The following PDE4D variants were observed in gnomAD, a reference collection of about 807,000 sequenced individuals.
The protein encoded by PDE4D is phosphodiesterase 4D, also known as 3',5'-cyclic-AMP phosphodiesterase 4D.
A neutral mutation model predicts 87.4 loss-of-function variants in PDE4D; 24 were observed. The observed-to-expected ratio is 0.27, with a 90% CI of 0.20 to 0.39. The LOEUF (loss-of-function observed/expected upper bound fraction) is 0.39, where lower values mean the gene tolerates loss of function less well. Ranked by LOEUF, PDE4D falls within the 10% of genes least tolerant of loss-of-function variation. The pLI is 1.00. For missense variants in PDE4D, 714 were observed against 1,041.0 expected (o/e 0.69, Z 4.32); for synonymous variants, 384 against 383.2 (o/e 1.00, Z -0.02).
chr5:59,455,965 C>G (rs1227637235), intron 1 of PDE4D, among the ~76,000 whole-genome samples: 1 of 152,182 alleles, frequency 6.6e-6, no homozygotes, highest in Non-Finnish European at 1.5e-5. Flanking sequence ...CCTGTACCCC[C>G]ATTGTATCTA....
intron 1 of PDE4D, among the ~76,000 whole-genome samples, chr5:59,611,571 A>G (rs879508724): frequency 3.3e-5 from 5 of 152,210 alleles, no homozygotes; most frequent in Non-Finnish European, 7.3e-5. Context: ...TCTTAAGGGC[A>G]GGGTTTACAT....
intron 3 of PDE4D, among the ~76,000 whole-genome samples, chr5:59,908,323 T>A (rs36066827): frequency 0.15 from 22,711 of 151,988 alleles, 2,049 homozygotes; most frequent in African/African-American, 0.25. Flanking sequence ...AACTTTTTTT[T>A]AAAAAACAAG....
chr5:59,618,562 A>G (rs1432753447), intron 1 of PDE4D, among the ~76,000 whole-genome samples: 1 of 152,152 alleles, frequency 6.6e-6, no homozygotes, highest in African/African-American at 2.4e-5. Context: ...CAGGAAATAT[A>G]TATTATCATA....
intron 3 of PDE4D, among the ~76,000 whole-genome samples, chr5:59,192,014 T>G (rs1404965397): frequency 1.3e-5 from 2 of 152,206 alleles, no homozygotes; most frequent in Non-Finnish European, 2.9e-5. Context: ...CAGCAAAACC[T>G]TCAGCAAACA....
chr5:59,034,253 T>C (rs1401081614), intron 6 of PDE4D, among the ~76,000 whole-genome samples: 4 of 152,214 alleles, frequency 2.6e-5, no homozygotes, highest in Non-Finnish European at 5.9e-5. Flanking sequence ...TCTATAATTA[T>C]AGAAGATATT....
At chr5:59,959,603 AG>A in intron 3 of PDE4D, among the ~76,000 whole-genome samples, 1 of 152,270 alleles carries the variant, frequency 6.6e-6, no homozygotes, top group Non-Finnish European at 1.5e-5. Flanking sequence ...AAAAATAAGC[AG>A]GGGGGAAGGG....
At chr5:59,108,955 ATGTGTGTG>A (rs57004711) in intron 5 of PDE4D, among the ~76,000 whole-genome samples, 1,788 of 121,888 alleles carry the variant, frequency 0.015, 53 homozygotes, top group East Asian at 0.051. Flanking sequence ...TAGGAACTCA[ATGTGTGTG>A]TGTGTGTGTG....
intron 1 of PDE4D, among the ~76,000 whole-genome samples, chr5:59,295,395 T>C (rs1431408728): frequency 3.3e-5 from 5 of 152,196 alleles, no homozygotes. Flanking sequence ...GCACAAACTG[T>C]AAAGTCAAAA....
intron 2 of PDE4D, among the ~76,000 whole-genome samples, chr5:60,028,018 C>T (rs1766820061): frequency 6.6e-6 from 1 of 152,156 alleles, no homozygotes; most frequent in African/African-American, 2.4e-5. Context: ...CTGTCATTCA[C>T]CTCCAAACAG....
At position 59,598,346 on chromosome 5, in the gene PDE4D, T is replaced by G. The variant is rs573198549; in HGVS notation, c.455+294822A>C. Among the ~76,000 whole-genome samples, 11 of 152,224 alleles carry G rather than the reference T, an allele frequency of 7.2e-5. No homozygotes were observed. In the South Asian group the frequency reaches 1.0e-3, roughly 14 times the overall value. ...TTTAGATTAGCAATCAAACAGGGAC[T>G]GGAGCAAAAATAAAAAGCAGGAAGT... On this transcript the variant is annotated intron_variant, in intron 1 of 14. Coordinates refer to ENST00000340635, the MANE Select transcript of PDE4D (RefSeq NM_001104631.2).
In PDE4D at chr5:58,975,862, C is replaced by A; in HGVS notation, c.1831-23G>T. 7.2e-7 allele frequency: 1 copy of A among 1,379,880 alleles called. No homozygotes were observed. Among genetic ancestry groups the A allele is most frequent in the Non-Finnish European group, 9.5e-7 (1 of 1,050,908 alleles). 85.5% of individuals were successfully genotyped at this position (1,379,880 alleles called of 1,614,324 possible). On this transcript the variant is annotated intron_variant, in intron 13 of 14. Transcript: ENST00000340635. This position sits in a 1 kb window ranked among gnomAD's most constrained non-coding sequence, Gnocchi z 4.2. ...AACCTAAAATAGATGGATGCATTCT[C>A]TATTCACTCCTGTTCCTTTTTTTTA...
chr5:59,490,334 T>C (rs926884759), intron 1 of PDE4D, among the ~76,000 whole-genome samples: 2 of 152,328 alleles, frequency 1.3e-5, no homozygotes, highest in East Asian at 3.9e-4. Context: ...CAGGTGACCA[T>C]AGCAAATAAG....
At chr5:59,881,606 G>A (rs1340128322) in intron 1 of PDE4D, among the ~76,000 whole-genome samples, 1 of 152,108 alleles carries the variant, frequency 6.6e-6, no homozygotes, top group African/African-American at 2.4e-5. Context: ...ACTTTTAACA[G>A]TATATTCCTA....
At chr5:59,848,571 G>GT (rs35439865) in intron 1 of PDE4D, among the ~76,000 whole-genome samples, 19,500 of 151,914 alleles carry the variant, frequency 0.13, 1,627 homozygotes, top group Middle Eastern at 0.21. Flanking sequence ...CAAACTGCAT[G>GT]TATCTATGTA....
intron 1 of PDE4D, among the ~76,000 whole-genome samples, chr5:60,285,091 T>C (rs13185075): frequency 0.21 from 32,586 of 152,008 alleles, 4,909 homozygotes; most frequent in African/African-American, 0.43. Context: ...CTCACCTACA[T>C]CTAATTCTAC....
At chr5:59,423,746 G>A (rs1794803987) in intron 1 of PDE4D, among the ~76,000 whole-genome samples, 1 of 151,710 alleles carries the variant, frequency 6.6e-6, no homozygotes, top group Non-Finnish European at 1.5e-5. Context: ...GTATACATGG[G>A]TGACAAGGGC....
intron 2 of PDE4D, among the ~76,000 whole-genome samples, chr5:60,074,492 G>T (rs1773071356): frequency 6.6e-6 from 1 of 152,090 alleles, no homozygotes; most frequent in Non-Finnish European, 1.5e-5. Context: ...TCTTGTTTTT[G>T]GGTGGAGAGA....
chr5:59,257,220 G>A (rs1288541814), intron 1 of PDE4D, among the ~76,000 whole-genome samples: 1 of 152,032 alleles, frequency 6.6e-6, no homozygotes, highest in South Asian at 2.1e-4. Context: ...AAATGATCGT[G>A]GCAATGATGT....
At chr5:59,784,992 C>T (rs1380684329) in intron 1 of PDE4D, among the ~76,000 whole-genome samples, 1 of 152,126 alleles carries the variant, frequency 6.6e-6, no homozygotes, top group South Asian at 2.1e-4. Flanking sequence ...TCCCCAGTCA[C>T]GTGGAACTGT....
Sources: gnomAD v4.1 joint callset for allele counts (sites outside exome capture counted in the v4.1 genomes callset) on GRCh38, gnomAD v4.1.1 for gene constraint, Gnocchi (gnomAD v3.1) non-coding constraint, MANE v1.5 for transcripts, NCBI Gene and HGNC (gene_info 2026-07-23, HGNC 2026-07-21) for gene names.